The following ARHGAP26 variants were observed in gnomAD, a reference collection of about 807,000 sequenced individuals.
ARHGAP26 encodes Rho GTPase activating protein 26.
ARHGAP26 carries 38 observed loss-of-function variants against 104.8 expected under a neutral mutation model. The ratio of observed to expected loss-of-function variants is 0.36; its 90% CI spans 0.28 to 0.48. The LOEUF is 0.48. Among genes scored for constraint, ARHGAP26 ranks in the 20% least tolerant of loss-of-function variants. ARHGAP26 has a pLI of 0.99. For missense variants in ARHGAP26, 704 were observed against 947.9 expected, an observed-to-expected ratio of 0.74 and a Z score of 3.38; for synonymous variants, 341 against 340.0, an observed-to-expected ratio of 1.00 and a Z score of -0.03.
chr5:142,916,081 G>A (rs185237216), intron 10 of ARHGAP26, among the ~76,000 whole-genome samples: 7 of 152,200 alleles, frequency 4.6e-5, no homozygotes, highest in African/African-American at 7.2e-5. Context: ...AAGTGAAAGA[G>A]GGGATGGTTA....
chr5:143,162,355 G>A (rs1447438748), intron 20 of ARHGAP26, among the ~76,000 whole-genome samples: 1 of 151,872 alleles, frequency 6.6e-6, no homozygotes, highest in Non-Finnish European at 1.5e-5. Context: ...TTGCGTGGAA[G>A]TAGAATTAGA....
At chr5:142,991,419 G>T (rs191513114) in intron 11 of ARHGAP26, among the ~76,000 whole-genome samples, 1 of 152,072 alleles carries the variant, frequency 6.6e-6, no homozygotes, top group African/African-American at 2.4e-5. Flanking sequence ...CCCAGGTAAG[G>T]TGATGCCTTG....
chr5:143,121,198 G>T, intron 18 of ARHGAP26, 51 bp downstream of exon 18: 2 of 1,570,982 alleles, frequency 1.3e-6, no homozygotes, highest in Non-Finnish European at 1.7e-6. Context: ...GGGGGAAGCT[G>T]CATTGGAATT....
intron 22 of ARHGAP26, among the ~76,000 whole-genome samples, chr5:143,215,384 A>G (rs1290753487): frequency 1.3e-5 from 2 of 152,254 alleles, no homozygotes; most frequent in Non-Finnish European, 2.9e-5. Flanking sequence ...GTTTTAAACT[A>G]TCAAAAGTTA....
intron 17 of ARHGAP26, among the ~76,000 whole-genome samples, chr5:143,061,273 A>G (rs994955007): frequency 2.0e-5 from 3 of 152,196 alleles, no homozygotes; most frequent in Non-Finnish European, 4.4e-5. Flanking sequence ...TCTTATAATC[A>G]TAGAGGAAAT....
intron 17 of ARHGAP26, among the ~76,000 whole-genome samples, chr5:143,069,203 A>G (rs898199941): frequency 6.6e-6 from 1 of 151,990 alleles, no homozygotes; most frequent in Non-Finnish European, 1.5e-5. Context: ...TCCCATAACC[A>G]TGTCAGTATC....
chr5:143,075,997 C>T (rs1489777274), intron 17 of ARHGAP26, among the ~76,000 whole-genome samples: 1 of 148,968 alleles, frequency 6.7e-6, no homozygotes, highest in African/African-American at 2.5e-5. Flanking sequence ...CTGTGCCTGG[C>T]CTTGTTTTTG....
At chr5:142,851,773 T>C (rs1013812249) in intron 1 of ARHGAP26, among the ~76,000 whole-genome samples, 4 of 152,230 alleles carry the variant, frequency 2.6e-5, no homozygotes, top group Admixed American at 2.6e-4. Flanking sequence ...AGCCACATGG[T>C]CTTGTGCACC....
At chr5:143,111,116 G>T (rs1794727491) in intron 17 of ARHGAP26, among the ~76,000 whole-genome samples, 1 of 152,212 alleles carries the variant, frequency 6.6e-6, no homozygotes, top group Non-Finnish European at 1.5e-5. Flanking sequence ...TTATTTACCA[G>T]TAGAGAAGCT....
intron 1 of ARHGAP26, among the ~76,000 whole-genome samples, chr5:142,810,715 C>T (rs1763907552): frequency 6.6e-6 from 1 of 152,098 alleles, no homozygotes; most frequent in South Asian, 2.1e-4. Flanking sequence ...TGATGTAATA[C>T]CTATTTCATT....
At chr5:142,876,731 T>C (rs1756154040) in intron 3 of ARHGAP26, among the ~76,000 whole-genome samples, 1 of 139,230 alleles carries the variant, frequency 7.2e-6, no homozygotes, top group Admixed American at 7.7e-5. Flanking sequence ...GATCTGTGAT[T>C]GAACCATTGC....
intron 22 of ARHGAP26, among the ~76,000 whole-genome samples, chr5:143,219,018 A>C (rs1019850964): frequency 1.3e-5 from 2 of 152,392 alleles, no homozygotes; most frequent in South Asian, 2.1e-4. Flanking sequence ...TGAAAGGAGG[A>C]AACTCAGGTG....
Position 142,825,868 on chromosome 5 carries a change from G to C in ARHGAP26, c.155-47532G>C, listed in dbSNP as rs139682298. ...CGGAATCCCTCAGAACACAGTTCTC[G>C]AATCTGCCTGTAACAATGTTGCCTT... On this transcript the variant is annotated intron_variant, in intron 1 of 22. Transcript: ENST00000645722. Among the ~76,000 whole-genome samples the C allele has an allele frequency of 2.0e-3, 305 of 152,302 alleles. 1 individual carries two copies. The highest frequency in any genetic ancestry group is 7.0e-3 in the African/African-American group (290 of 41,566).
rs752338630 is a variant in ARHGAP26 at position 143,012,537 on chromosome 5, T to TTATATATATACATACATACATA, written c.1108-1537_1108-1536insTATACATACATACATATATATA. Among the ~76,000 whole-genome samples the TTATATATATACATACATACATA allele has an allele frequency of 1.1e-4, 2 of 17,646 alleles. 1 individual carries two copies. The highest frequency in any genetic ancestry group is 2.4e-3 in the Admixed American group (2 of 850). 11.6% of individuals were successfully genotyped at this position (17,646 alleles called of 152,430 possible). On this transcript the variant is annotated intron_variant, in intron 11 of 22. Coordinates refer to ENST00000645722, the MANE Select transcript of ARHGAP26 (RefSeq NM_001135608.3). ...CATTAGAGTCACTGGAGGGATATAT[T>TTATATATATACATACATACATA]TATATACATACATACATATATATAT...
intron 17 of ARHGAP26, among the ~76,000 whole-genome samples, chr5:143,090,058 A>G (rs995266498): frequency 1.3e-5 from 2 of 152,262 alleles, no homozygotes; most frequent in African/African-American, 2.4e-5. Flanking sequence ...TCTTAAGCTC[A>G]CTGCATCCTT....
intron 20 of ARHGAP26, among the ~76,000 whole-genome samples, chr5:143,166,842 A>G (rs1314836641): frequency 6.6e-6 from 1 of 152,206 alleles, no homozygotes. Flanking sequence ...AGACAATTAC[A>G]ACAAACTTGG....
chr5:143,188,182 A>C (rs1364593573), intron 20 of ARHGAP26, among the ~76,000 whole-genome samples: 6 of 152,256 alleles, frequency 3.9e-5, no homozygotes, highest in Non-Finnish European at 8.8e-5. Context: ...GGAACAAAGT[A>C]ATCACAACAG....
At chr5:142,855,599 T>G (rs1167791674) in intron 1 of ARHGAP26, among the ~76,000 whole-genome samples, 1 of 152,222 alleles carries the variant, frequency 6.6e-6, no homozygotes, top group Non-Finnish European at 1.5e-5. Flanking sequence ...CTGCCCGTTA[T>G]GTACTAGACA....
chr5:142,811,216 T>G (rs1371234645), intron 1 of ARHGAP26, among the ~76,000 whole-genome samples: 1 of 152,142 alleles, frequency 6.6e-6, no homozygotes. Context: ...ATGCCTGGCC[T>G]TCCACTTTTC....
Sources: gnomAD v4.1 joint callset for allele counts (sites outside exome capture counted in the v4.1 genomes callset) on GRCh38, gnomAD v4.1.1 for gene constraint, MANE v1.5 for transcripts, NCBI Gene and HGNC (gene_info 2026-07-23, HGNC 2026-07-21) for gene names.